The following GREB1L variants were observed in gnomAD, a reference collection of about 807,000 sequenced individuals.
GREB1L encodes the protein GREB1 like retinoic acid receptor coactivator.
In GREB1L, 17 loss-of-function variants were observed where a neutral mutation model predicts 200.8. The ratio of observed to expected loss-of-function variants is 0.08; its 90% CI spans 0.06 to 0.13. The LOEUF (loss-of-function observed/expected upper bound fraction) is 0.13, where lower values mean the gene tolerates loss of function less well. GREB1L is among the 10% of genes least tolerant of loss of function. GREB1L has a pLI of 1.00. For synonymous variants in GREB1L, 789 were observed against 893.0 expected (o/e 0.88, Z 2.08); for missense variants, 1,657 against 2,367.7 (o/e 0.70, Z 6.23).
At position 21,454,582 on chromosome 18, in the gene GREB1L, A is replaced by G; in HGVS notation, c.2182+19A>G. 1.3e-6 allele frequency: 2 copies of G among 1,536,682 alleles called. No homozygotes were observed. The highest frequency in any genetic ancestry group is 1.8e-6 in the Non-Finnish European group (2 of 1,133,172). On this transcript the variant is annotated intron_variant, in intron 15 of 32. Coordinates refer to ENST00000424526, the MANE Select transcript of GREB1L (RefSeq NM_001142966.3). ...CAATCAGGTAAGAGTGAACTTTCAAAGAGGAGCCCACCTAGATCCAGCTTC... is the reference window on the plus strand; with the variant it reads ...CAATCAGGTAAGAGTGAACTTTCAAGGAGGAGCCCACCTAGATCCAGCTTC...
chr18:21,331,842 A>AATCTGAAAAGGT (rs1402384324), intron 1 of GREB1L, among the ~76,000 whole-genome samples: 1 of 152,220 alleles, frequency 6.6e-6, no homozygotes, highest in East Asian at 1.9e-4. Context: ...TGAATTCTAT[A>AATCTGAAAAGGT]ATCTGAAAAG....
Position 21,269,582 on chromosome 18 carries a change from GA to G in GREB1L, c.-120+27195del, listed in dbSNP as rs1277179944. On this transcript the variant is annotated intron_variant, in intron 1 of 32. Transcript: ENST00000424526. ...TAGGAATGAAAATACAAGGCCTATG[GA>G]AAAAATTAATTAAAACAAGACATGA... 2.6e-5 allele frequency among the ~76,000 whole-genome samples: 4 copies of G among 151,918 alleles called. No individual in the cohort carries two copies. In the East Asian group the frequency reaches 7.7e-4, roughly 29 times the overall value.
chr18:21,460,237 T>A (rs1399841615), intron 15 of GREB1L, among the ~76,000 whole-genome samples: 9 of 152,144 alleles, frequency 5.9e-5, no homozygotes, highest in Non-Finnish European at 1.2e-4. Context: ...TACAATGGCA[T>A]GATCTCGGCT....
At chr18:21,404,113 T>G in intron 7 of GREB1L, 119 bp downstream of exon 7, 1 of 896,482 alleles carries the variant, frequency 1.1e-6, no homozygotes, top group South Asian at 1.7e-5. Context: ...AAGGTATTAC[T>G]TGAGTTACTA....
intron 11 of GREB1L, among the ~76,000 whole-genome samples, chr18:21,447,634 G>A (rs1197884019): frequency 6.6e-6 from 1 of 152,160 alleles, no homozygotes; most frequent in Admixed American, 6.5e-5. Context: ...AATGAAAGAC[G>A]GTAGGGAATT....
At chr18:21,378,155 G>C (rs1250718794) in intron 2 of GREB1L, among the ~76,000 whole-genome samples, 7 of 152,188 alleles carry the variant, frequency 4.6e-5, no homozygotes. Flanking sequence ...AGGCATGGGG[G>C]CTCTTTGAGA....
chr18:21,473,689 C>T (rs1208252381), intron 16 of GREB1L, among the ~76,000 whole-genome samples: 7 of 151,950 alleles, frequency 4.6e-5, no homozygotes, highest in Non-Finnish European at 8.8e-5. Context: ...CTTGCTTCCT[C>T]GACTTCTCTC....
intron 7 of GREB1L, among the ~76,000 whole-genome samples, chr18:21,427,722 ATTT>A (rs889765743): frequency 2.0e-5 from 3 of 152,178 alleles, no homozygotes; most frequent in African/African-American, 7.2e-5. Context: ...TGGTGAACTC[ATTT>A]ATTAGCTCTA....
At chr18:21,489,906 A>G in intron 18 of GREB1L, 106 bp from the exon 19 acceptor site, 1 of 768,452 alleles carries the variant, frequency 1.3e-6, no homozygotes, top group Admixed American at 2.5e-5. Context: ...CACACTGATC[A>G]GTAGCCCCTT....
At chr18:21,245,073 A>C (rs966670303) in intron 1 of GREB1L, among the ~76,000 whole-genome samples, 2 of 152,210 alleles carry the variant, frequency 1.3e-5, no homozygotes, top group African/African-American at 4.8e-5. Flanking sequence ...AAGTACCTGC[A>C]GCCTTTGGGC....
At chr18:21,282,761 A>G (rs1206066527) in intron 1 of GREB1L, among the ~76,000 whole-genome samples, 1 of 152,028 alleles carries the variant, frequency 6.6e-6, no homozygotes, top group East Asian at 1.9e-4. Flanking sequence ...CACCACACGC[A>G]GCTAATTTTT....
intron 1 of GREB1L, among the ~76,000 whole-genome samples, chr18:21,257,666 A>G (rs2037822382): frequency 6.6e-6 from 1 of 152,204 alleles, no homozygotes; most frequent in Admixed American, 6.5e-5. Flanking sequence ...GCATAGTTGC[A>G]TATCTGGAAT....
chr18:21,273,245 A>G (rs2038107074), intron 1 of GREB1L, among the ~76,000 whole-genome samples: 1 of 152,144 alleles, frequency 6.6e-6, no homozygotes, highest in Non-Finnish European at 1.5e-5. Flanking sequence ...ACAAAAAACA[A>G]AAGTTTGTAG....
chr18:21,262,241 T>C (rs1288152910), intron 1 of GREB1L, among the ~76,000 whole-genome samples: 1 of 152,142 alleles, frequency 6.6e-6, no homozygotes, highest in Non-Finnish European at 1.5e-5. Flanking sequence ...TTGGCATCAT[T>C]CTTAGGGGTA....
At chr18:21,329,122 G>T (rs1306035185) in intron 1 of GREB1L, among the ~76,000 whole-genome samples, 2 of 152,044 alleles carry the variant, frequency 1.3e-5, no homozygotes, top group Non-Finnish European at 2.9e-5. Flanking sequence ...CTGGGAGTTT[G>T]AGACCAGCCT....
At chr18:21,445,245 T>TG (rs2145329317) in intron 11 of GREB1L, among the ~76,000 whole-genome samples, 1 of 152,306 alleles carries the variant, frequency 6.6e-6, no homozygotes, top group East Asian at 1.9e-4. Context: ...GAGGCCAAGG[T>TG]GGGCGGATCA....
At chr18:21,384,554 C>T (rs2040458711) in intron 4 of GREB1L, among the ~76,000 whole-genome samples, 151 bp downstream of exon 4, 2 of 152,202 alleles carry the variant, frequency 1.3e-5, no homozygotes, top group African/African-American at 4.8e-5. Context: ...CACATTATCT[C>T]CTGTGACTTC....
intron 2 of GREB1L, among the ~76,000 whole-genome samples, chr18:21,372,150 C>CTTT (rs1010758595): frequency 5.7e-5 from 8 of 139,492 alleles, no homozygotes; most frequent in African/African-American, 2.1e-4. Context: ...ATTTGTCTCT[C>CTTT]TTTTTTTTTT....
At chr18:21,311,539 C>T (rs1005296292) in intron 1 of GREB1L, among the ~76,000 whole-genome samples, 4 of 152,038 alleles carry the variant, frequency 2.6e-5, no homozygotes, top group African/African-American at 9.7e-5. Context: ...TTAAATTTTG[C>T]CCTAAGCGGC....
Sources: gnomAD v4.1 joint callset for allele counts (sites outside exome capture counted in the v4.1 genomes callset) on GRCh38, gnomAD v4.1.1 for gene constraint, MANE v1.5 for transcripts, NCBI Gene and HGNC (gene_info 2026-07-23, HGNC 2026-07-21) for gene names.